Variants in VSNL1 observed in about 807,000 individuals in gnomAD.
VSNL1 encodes visinin-like protein 1.
A neutral mutation model predicts 20.4 loss-of-function variants in VSNL1; 6 were observed. The ratio of observed to expected loss-of-function variants is 0.29; its 90% CI spans 0.16 to 0.58. The LOEUF (loss-of-function observed/expected upper bound fraction) is 0.58, where lower values mean the gene tolerates loss of function less well. Among genes scored for constraint, VSNL1 ranks in the 20% least tolerant of loss-of-function variants. The probability of loss-of-function intolerance (pLI) is 0.90; values close to 1 mark genes in which losing one functional copy is unlikely to be tolerated. For synonymous variants in VSNL1, 93 were observed against 86.4 expected (o/e 1.08, Z -0.42); for missense variants, 100 against 234.5 (o/e 0.43, Z 3.75).
intron 2 of VSNL1, among the ~76,000 whole-genome samples, chr2:17,624,469 G>A (rs536152418): frequency 1.3e-5 from 2 of 152,328 alleles, no homozygotes; most frequent in South Asian, 4.1e-4. Context: ...GTAGTAGATA[G>A]AACTAAGGTT....
chr2:17,552,083 C>G (rs1330814931), intron 1 of VSNL1, among the ~76,000 whole-genome samples: 1 of 151,508 alleles, frequency 6.6e-6, no homozygotes, highest in African/African-American at 2.4e-5. Context: ...GCCTGTAGTC[C>G]CAGCTACTCG....
At chr2:17,580,570 T>C (rs1212070329) in intron 1 of VSNL1, among the ~76,000 whole-genome samples, 2 of 152,240 alleles carry the variant, frequency 1.3e-5, no homozygotes, top group Non-Finnish European at 2.9e-5. Context: ...CGTGTGACTT[T>C]TGCAAAAGTC....
At chr2:17,619,561 A>C (rs976402311) in intron 2 of VSNL1, among the ~76,000 whole-genome samples, 2 of 152,202 alleles carry the variant, frequency 1.3e-5, no homozygotes, top group Non-Finnish European at 2.9e-5. Flanking sequence ...GCTTTGGTGG[A>C]AAGTTTGGGC....
intron 1 of VSNL1, among the ~76,000 whole-genome samples, chr2:17,552,203 A>AAAAAC (rs1458106567): frequency 6.6e-6 from 1 of 151,438 alleles, no homozygotes; most frequent in Non-Finnish European, 1.5e-5. Flanking sequence ...CCATCTCAAA[A>AAAAAC]AAAAAAAAAC....
intron 1 of VSNL1, among the ~76,000 whole-genome samples, chr2:17,569,121 A>C (rs559583207): frequency 6.6e-6 from 1 of 152,254 alleles, no homozygotes; most frequent in African/African-American, 2.4e-5. Flanking sequence ...TGTCTGGCCA[A>C]CATGGCGAAA....
chr2:17,602,735 A>G (rs1456179750), intron 2 of VSNL1, among the ~76,000 whole-genome samples: 4 of 151,840 alleles, frequency 2.6e-5, no homozygotes, highest in African/African-American at 9.6e-5. Flanking sequence ...GTAAGACTCC[A>G]TCTCAAAAAC....
At chr2:17,625,693 A>G (rs375236161) in intron 2 of VSNL1, among the ~76,000 whole-genome samples, 3 of 152,162 alleles carry the variant, frequency 2.0e-5, no homozygotes, top group Admixed American at 6.5e-5. Flanking sequence ...CAATGTGTCA[A>G]GGATCAGCAC....
At chr2:17,598,190 T>C (rs1664751217) in intron 2 of VSNL1, among the ~76,000 whole-genome samples, 1 of 152,250 alleles carries the variant, frequency 6.6e-6, no homozygotes, top group South Asian at 2.1e-4. Context: ...AAAAACCTAC[T>C]ACGTGGAATA....
intron 2 of VSNL1, among the ~76,000 whole-genome samples, chr2:17,611,815 A>G (rs1402163693): frequency 6.6e-6 from 1 of 152,176 alleles, no homozygotes; most frequent in African/African-American, 2.4e-5. Context: ...AATGTCTCTC[A>G]TCAATTTATT....
intron 1 of VSNL1, among the ~76,000 whole-genome samples, chr2:17,585,732 C>A (rs1664457824): frequency 1.3e-5 from 2 of 152,172 alleles, no homozygotes; most frequent in African/African-American, 4.8e-5. Context: ...AACCAAAGGG[C>A]TTAAAGCAGA....
chr2:17,656,527 C>CA lies in VSNL1; in HGVS notation c.*1134dup, dbSNP rs1666236860. 1 of 152,170 alleles carries CA rather than the reference C, an allele frequency of 6.6e-6. No homozygotes were observed. Among genetic ancestry groups the CA allele is most frequent in the South Asian group, 2.1e-4 (1 of 4,828 alleles). 9.4% of individuals were successfully genotyped at this position (152,170 alleles called of 1,614,324 possible). A position where few individuals can be genotyped will look rare whatever the true frequency, so the allele number is the denominator to read the frequency against. On this transcript the variant is annotated 3_prime_UTR_variant, in exon 4 of 4. Transcript: ENST00000295156. ...GCTGCAGGTGTCCCCCAACATAAGTCAGTAGGAAAGAAGACATCTGTCTTC... is the reference window on the plus strand; with the variant it reads ...GCTGCAGGTGTCCCCCAACATAAGTCAAGTAGGAAAGAAGACATCTGTCTTC...
chr2:17,592,687 A>G (rs1664623171), intron 2 of VSNL1, among the ~76,000 whole-genome samples: 1 of 107,066 alleles, frequency 9.3e-6, no homozygotes, highest in Non-Finnish European at 1.7e-5. Flanking sequence ...TTTACCAGAA[A>G]AGATACTCCT....
intron 1 of VSNL1, among the ~76,000 whole-genome samples, chr2:17,560,977 GATTTCTT>G (rs1332795602): frequency 6.6e-6 from 1 of 152,146 alleles, no homozygotes; most frequent in Non-Finnish European, 1.5e-5. Flanking sequence ...GTTTTCAATA[GATTTCTT>G]AAGTTGCTTC....
intron 2 of VSNL1, among the ~76,000 whole-genome samples, chr2:17,646,616 A>G (rs1666002854): frequency 6.6e-6 from 1 of 152,246 alleles, no homozygotes; most frequent in South Asian, 2.1e-4. Context: ...GAGTGTGTAT[A>G]TACATTTTTA....
rs575001861 is a variant in VSNL1 at position 17,655,098 on chromosome 2, G to A, written c.379-99G>A. 12 of 1,235,644 alleles carry A rather than the reference G, an allele frequency of 9.7e-6. No individual in the cohort carries two copies. In the South Asian group the frequency reaches 1.7e-4, roughly 18 times the overall value. The allele number at this position is 1,235,644 out of a possible 1,614,324, so 76.5% of individuals were successfully genotyped here. On this transcript the variant is annotated intron_variant, in intron 3 of 3. Coordinates refer to ENST00000295156, the MANE Select transcript of VSNL1 (RefSeq NM_003385.5). This position sits in a 1 kb window ranked among gnomAD's most constrained non-coding sequence, Gnocchi z 5.2. Reference sequence around the variant, plus strand: ...CTGGGGAAAGGGAAGCTGAGGCTTGGAGGATGGGTGGGATCCCGTCAGGTG... The same window carrying A: ...CTGGGGAAAGGGAAGCTGAGGCTTGAAGGATGGGTGGGATCCCGTCAGGTG...
At chr2:17,543,500 C>T (rs1663340035) in intron 1 of VSNL1, among the ~76,000 whole-genome samples, 1 of 152,194 alleles carries the variant, frequency 6.6e-6, no homozygotes, top group Admixed American at 6.5e-5. Flanking sequence ...ACTTTGCCAG[C>T]TCACCTCTGG....
At chr2:17,642,786 G>A (rs577177124) in intron 2 of VSNL1, among the ~76,000 whole-genome samples, 4 of 152,316 alleles carry the variant, frequency 2.6e-5, no homozygotes, top group South Asian at 2.1e-4. Flanking sequence ...ATCTTGTCCC[G>A]GGAGGCGAAA....
chr2:17,599,914 G>A (rs974404547), intron 2 of VSNL1, among the ~76,000 whole-genome samples: 1 of 152,124 alleles, frequency 6.6e-6, no homozygotes, highest in African/African-American at 2.4e-5. Flanking sequence ...TTATCTTGTG[G>A]TAGAGCAGAA....
intron 2 of VSNL1, among the ~76,000 whole-genome samples, chr2:17,603,952 G>C (rs1664887793): frequency 6.6e-6 from 1 of 152,170 alleles, no homozygotes; most frequent in Non-Finnish European, 1.5e-5. Context: ...TTTATTGTCT[G>C]TACCTTGTGT....
Sources: gnomAD v4.1 joint callset for allele counts (sites outside exome capture counted in the v4.1 genomes callset) on GRCh38, gnomAD v4.1.1 for gene constraint, Gnocchi (gnomAD v3.1) non-coding constraint, MANE v1.5 for transcripts, NCBI Gene and HGNC (gene_info 2026-07-23, HGNC 2026-07-21) for gene names.